The following INSL6 variants were observed in gnomAD, a reference collection of about 807,000 sequenced individuals.
The protein encoded by INSL6 is insulin-like peptide INSL6.
A neutral mutation model predicts 9.4 loss-of-function variants in INSL6; 16 were observed. The ratio of observed to expected loss-of-function variants is 1.70; its 90% CI spans 1.15 to 2.59. The LOEUF (loss-of-function observed/expected upper bound fraction) is 2.59, where lower values mean the gene tolerates loss of function less well. INSL6 is among the 30% of genes most tolerant of loss of function. INSL6 has a pLI of 0.00. For missense variants in INSL6, 391 were observed against 257.3 expected (o/e 1.52, Z -3.56); for synonymous variants, 154 against 96.9 (o/e 1.59, Z -3.46).
the INSL6 span, among the ~76,000 whole-genome samples, chr9:5,077,797 AG>A: frequency 2.0e-5 from 3 of 152,248 alleles, no homozygotes; most frequent in Admixed American, 6.5e-5. Flanking sequence ...TCAATATCTT[AG>A]AACTACTAAT....
chr9:5,051,076 A>G, the INSL6 span, among the ~76,000 whole-genome samples: 6 of 152,266 alleles, frequency 3.9e-5, no homozygotes, highest in African/African-American at 1.4e-4. Context: ...TCCTTTGAAC[A>G]TCATGTTGAC....
the INSL6 span, among the ~76,000 whole-genome samples, chr9:5,102,476 T>C: frequency 6.6e-6 from 1 of 152,266 alleles, no homozygotes; most frequent in South Asian, 2.1e-4. Context: ...CTTCAGGATA[T>C]TATCCAGGAG....
the INSL6 span, among the ~76,000 whole-genome samples, chr9:5,006,842 T>C: frequency 2.0e-5 from 3 of 152,188 alleles, no homozygotes; most frequent in Non-Finnish European, 4.4e-5. Flanking sequence ...ATATATAGAA[T>C]TATTCAAATT....
the INSL6 span, chr9:5,081,911 A>G: frequency 1.5e-5 from 22 of 1,457,372 alleles, no homozygotes; most frequent in Non-Finnish European, 2.0e-5. Context: ...TCATTTAGGA[A>G]AAACTTAAGA....
the INSL6 span, among the ~76,000 whole-genome samples, chr9:5,021,466 A>G: frequency 6.6e-6 from 1 of 152,230 alleles, no homozygotes; most frequent in African/African-American, 2.4e-5. Context: ...CTTTGTCCAC[A>G]GGAAGTTTAA....
chr9:5,044,399 G>C, the INSL6 span: 1 of 1,586,194 alleles, frequency 6.3e-7, no homozygotes, highest in Non-Finnish European at 8.7e-7. Flanking sequence ...TTATTATCTT[G>C]TAGATTTTAC....
chr9:5,032,483 G>A, the INSL6 span, among the ~76,000 whole-genome samples: 1 of 152,218 alleles, frequency 6.6e-6, no homozygotes, highest in African/African-American at 2.4e-5. Context: ...TAGCCTAACT[G>A]GGAGGCACCC....
the INSL6 span, chr9:5,069,097 A>G: frequency 6.2e-7 from 1 of 1,611,802 alleles, no homozygotes; most frequent in Non-Finnish European, 8.5e-7. Flanking sequence ...CAGTGGGACA[A>G]AGAAGAACTT....
At chr9:5,143,742 C>T (rs547496891) in intron 2 of INSL6, among the ~76,000 whole-genome samples, 1 of 151,304 alleles carries the variant, frequency 6.6e-6, no homozygotes, top group Admixed American at 6.6e-5. Context: ...TCACTACAAC[C>T]TCCACCTGCT....
the INSL6 span, chr9:5,080,635 C>A: frequency 1.4e-5 from 22 of 1,596,700 alleles, no homozygotes; most frequent in Non-Finnish European, 1.8e-5. Context: ...AGATTTCAGG[C>A]CTTCTTTCAG....
At chr9:5,081,746 A>G in the INSL6 span, 1 of 1,598,090 alleles carries the variant, frequency 6.3e-7, no homozygotes, top group Non-Finnish European at 8.6e-7. Context: ...TTAACAGAAA[A>G]TGACATGTTA....
chr9:5,158,835 C>A (rs561033764), intron 2 of INSL6, among the ~76,000 whole-genome samples: 29 of 151,726 alleles, frequency 1.9e-4, no homozygotes, highest in Admixed American at 1.8e-3. Flanking sequence ...ATAGTAGGTA[C>A]ACAGAAAAAA....
the INSL6 span, among the ~76,000 whole-genome samples, chr9:5,060,774 G>A: frequency 6.6e-6 from 1 of 152,114 alleles, no homozygotes; most frequent in Non-Finnish European, 1.5e-5. Context: ...GTTCTTCCTG[G>A]CATCAAGAAT....
the INSL6 span, chr9:5,073,557 G>T: frequency 2.3e-4 from 152 of 663,490 alleles, no homozygotes; most frequent in Non-Finnish European, 3.2e-4. Context: ...CCATATAAAG[G>T]GACCAAAGCA....
the INSL6 span, among the ~76,000 whole-genome samples, chr9:4,995,966 C>T: frequency 1.4e-4 from 22 of 152,100 alleles, 1 homozygote; most frequent in East Asian, 4.2e-3. Flanking sequence ...GTTAAAAATT[C>T]ACAGTATAGT....
At chr9:5,010,693 T>A in the INSL6 span, among the ~76,000 whole-genome samples, 1 of 152,248 alleles carries the variant, frequency 6.6e-6, no homozygotes, top group South Asian at 2.1e-4. Flanking sequence ...TTACTATTTT[T>A]GAGCTCTTCA....
At chr9:5,077,949 C>A in the INSL6 span, among the ~76,000 whole-genome samples, 1 of 152,162 alleles carries the variant, frequency 6.6e-6, no homozygotes, top group African/African-American at 2.4e-5. Flanking sequence ...ACCAGGGGGA[C>A]TGCCAGTCAT....
At chr9:5,017,025 A>G in the INSL6 span, among the ~76,000 whole-genome samples, 1 of 152,244 alleles carries the variant, frequency 6.6e-6, no homozygotes, top group Non-Finnish European at 1.5e-5. Context: ...CTTTCCAAAA[A>G]TATTGCAGAA....
the INSL6 span, among the ~76,000 whole-genome samples, chr9:5,103,482 A>AG: frequency 6.6e-6 from 1 of 152,116 alleles, no homozygotes; most frequent in African/African-American, 2.4e-5. Flanking sequence ...GGAGACTTTA[A>AG]CACCTCTCTG....
Sources: allele counts gnomAD v4.1 joint callset (sites outside exome capture counted in the v4.1 genomes callset), GRCh38; gene constraint gnomAD v4.1.1; transcripts MANE v1.5; gene names NCBI Gene and HGNC (gene_info 2026-07-23, HGNC 2026-07-21).